Variants in IGF1R observed in about 807,000 individuals in gnomAD.
IGF1R encodes insulin like growth factor 1 receptor, also known as insulin-like growth factor 1 receptor.
IGF1R carries 44 observed loss-of-function variants against 144.6 expected under a neutral mutation model. That is an observed-to-expected ratio of 0.30 (90% CI 0.24 to 0.39). The LOEUF is 0.39. Ranked by LOEUF, IGF1R falls within the 10% of genes least tolerant of loss-of-function variation. The pLI, the probability that IGF1R is intolerant of heterozygous loss-of-function variation, is 1.00. For missense variants in IGF1R, 1,355 were observed against 1,833.7 expected (o/e 0.74, Z 4.77); for synonymous variants, 795 against 722.8 (o/e 1.10, Z -1.60).
chr15:98,745,726 T>A (rs531613615), intron 2 of IGF1R, among the ~76,000 whole-genome samples: 1 of 151,700 alleles, frequency 6.6e-6, no homozygotes, highest in African/African-American at 2.4e-5. Context: ...TTCCGAGGCT[T>A]AAAGCTGCCC....
intron 4 of IGF1R, among the ~76,000 whole-genome samples, chr15:98,898,389 C>T (rs1567184816): frequency 6.6e-6 from 1 of 152,130 alleles, no homozygotes; most frequent in Non-Finnish European, 1.5e-5. Flanking sequence ...ATGTCCATTG[C>T]AGGAAATAGA....
intron 2 of IGF1R, among the ~76,000 whole-genome samples, chr15:98,829,466 G>T (rs1410273660): frequency 6.6e-6 from 1 of 152,142 alleles, no homozygotes; most frequent in Non-Finnish European, 1.5e-5. Context: ...TGACAAACAA[G>T]GAGTCTACTT....
At chr15:98,776,726 G>A (rs911250224) in intron 2 of IGF1R, among the ~76,000 whole-genome samples, 1 of 152,184 alleles carries the variant, frequency 6.6e-6, no homozygotes, top group African/African-American at 2.4e-5. Context: ...CGGTGTGCAA[G>A]GATGTGGTCT....
intron 2 of IGF1R, among the ~76,000 whole-genome samples, chr15:98,853,834 A>G (rs1233565669): frequency 6.6e-6 from 1 of 152,160 alleles, no homozygotes; most frequent in Non-Finnish European, 1.5e-5. Context: ...GAGGAGGGGA[A>G]GGTGCATTGC....
chr15:98,881,443 C>T (rs1398076506), intron 2 of IGF1R, among the ~76,000 whole-genome samples: 2 of 152,252 alleles, frequency 1.3e-5, no homozygotes, highest in African/African-American at 2.4e-5. Context: ...GCCTCGGCCT[C>T]CCGAGTAGCT....
chr15:98,815,199 CA>C (rs1567142445), intron 2 of IGF1R, among the ~76,000 whole-genome samples: 2 of 152,230 alleles, frequency 1.3e-5, no homozygotes, highest in African/African-American at 4.8e-5. Flanking sequence ...AAGATGTTGT[CA>C]TTTGGCTCTT....
rs1450236918 is a variant in IGF1R at position 98,960,743 on chromosome 15, C to T, written c.*3301C>T. 1 of 233,430 alleles carries T rather than the reference C, an allele frequency of 4.3e-6. No homozygotes were observed. Among genetic ancestry groups the T allele is most frequent in the African/African-American group, 2.2e-5 (1 of 45,344 alleles). 14.5% of individuals were successfully genotyped at this position (233,430 alleles called of 1,614,324 possible). ...GCCAGAATGCAGAGGCTCCTGACCT[C>T]ACAGCCAGTCCCTGATAGAACACAC... On this transcript the variant is annotated 3_prime_UTR_variant, in exon 21 of 21. Coordinates refer to ENST00000650285, the MANE Select transcript of IGF1R (RefSeq NM_000875.5).
Position 98,962,911 on chromosome 15 carries a change from G to A in IGF1R, c.*5469G>A, listed in dbSNP as rs745423863. ...GTCAGTTCTGGGGCATGACTTTAGC[G>A]TTTTGTTTCTGCGAGAACATAACGA... On this transcript the variant is annotated 3_prime_UTR_variant, in exon 21 of 21. Transcript: ENST00000650285. 3.0e-5 allele frequency: 7 copies of A among 233,698 alleles called. No homozygotes were observed. The highest frequency in any genetic ancestry group is 5.1e-5 in the Non-Finnish European group (6 of 118,044). 14.5% of individuals were successfully genotyped at this position (233,698 alleles called of 1,614,324 possible). A position where few individuals can be genotyped will look rare whatever the true frequency, so the allele number is the denominator to read the frequency against.
intron 2 of IGF1R, among the ~76,000 whole-genome samples, chr15:98,769,411 T>G (rs916435909): frequency 6.6e-6 from 1 of 152,220 alleles, no homozygotes; most frequent in Non-Finnish European, 1.5e-5. Flanking sequence ...CTTTTGTTCT[T>G]TTTCTGTAAG....
intron 2 of IGF1R, among the ~76,000 whole-genome samples, chr15:98,855,063 C>G (rs185797314): frequency 7.9e-5 from 12 of 152,330 alleles, no homozygotes; most frequent in Admixed American, 7.8e-4. Flanking sequence ...TCCCACTGTA[C>G]TATTTCCTTG....
chr15:98,868,037 C>T (rs1182755212), intron 2 of IGF1R, among the ~76,000 whole-genome samples: 1 of 152,072 alleles, frequency 6.6e-6, no homozygotes, highest in Non-Finnish European at 1.5e-5. Flanking sequence ...CCCGTCTCTG[C>T]TAAAAATACA....
intron 5 of IGF1R, among the ~76,000 whole-genome samples, chr15:98,903,778 A>G (rs1056314243): frequency 7.2e-5 from 11 of 152,378 alleles, no homozygotes; most frequent in Non-Finnish European, 1.5e-4. Flanking sequence ...GTGTTACAAC[A>G]TGGGTGAACC....
chr15:98,875,133 G>T (rs768504781), intron 2 of IGF1R, among the ~76,000 whole-genome samples: 5 of 151,966 alleles, frequency 3.3e-5, no homozygotes, highest in Non-Finnish European at 7.4e-5. Flanking sequence ...TCCGGGACGA[G>T]GATGCTCCGG....
chr15:98,931,484 AGTC>A (rs1419538604), intron 15 of IGF1R, among the ~76,000 whole-genome samples: 2 of 152,188 alleles, frequency 1.3e-5, no homozygotes, highest in African/African-American at 2.4e-5. Flanking sequence ...TTTATAGTAA[AGTC>A]AATCAAAAGC....
chr15:98,773,070 G>A (rs1315847879), intron 2 of IGF1R, among the ~76,000 whole-genome samples: 2 of 152,094 alleles, frequency 1.3e-5, no homozygotes, highest in Non-Finnish European at 2.9e-5. Context: ...CTCATCTGTG[G>A]CCAAGTATAG....
intron 3 of IGF1R, among the ~76,000 whole-genome samples, chr15:98,893,071 T>G (rs150452416): frequency 7.9e-4 from 121 of 152,364 alleles, no homozygotes; most frequent in African/African-American, 2.8e-3. Flanking sequence ...CCTTCATGAT[T>G]AGCACCAGGG....
At chr15:98,758,039 TC>T (rs1363255369) in intron 2 of IGF1R, among the ~76,000 whole-genome samples, 1 of 152,190 alleles carries the variant, frequency 6.6e-6, no homozygotes, top group African/African-American at 2.4e-5. Context: ...TTTCTGCCGT[TC>T]CCATGACTTT....
At chr15:98,816,708 C>T (rs59686085) in intron 2 of IGF1R, among the ~76,000 whole-genome samples, 1 of 152,218 alleles carries the variant, frequency 6.6e-6, no homozygotes, top group African/African-American at 2.4e-5. Flanking sequence ...AATAGCTACT[C>T]GCTGTGGATA....
intron 17 of IGF1R, among the ~76,000 whole-genome samples, chr15:98,937,893 C>T (rs1427099039): frequency 6.6e-6 from 1 of 152,146 alleles, no homozygotes; most frequent in Non-Finnish European, 1.5e-5. Flanking sequence ...TATCTAAAGC[C>T]CTGAAAAGTA....
Sources: gnomAD v4.1 joint callset for allele counts (sites outside exome capture counted in the v4.1 genomes callset) on GRCh38, gnomAD v4.1.1 for gene constraint, MANE v1.5 for transcripts, NCBI Gene and HGNC (gene_info 2026-07-23, HGNC 2026-07-21) for gene names.